NBPF12: variants seen among roughly 807,000 people sequenced by gnomAD.
NBPF12 encodes the protein NBPF family member NBPF12.
In NBPF12, 115 loss-of-function variants were observed where a neutral mutation model predicts 146.4. That is an observed-to-expected ratio of 0.79 (90% confidence interval 0.68 to 0.92). The LOEUF (loss-of-function observed/expected upper bound fraction) is 0.92, where lower values mean the gene tolerates loss of function less well. NBPF12 is among the 40% of genes least tolerant of loss of function. The probability of loss-of-function intolerance (pLI) is 0.00; values close to 1 mark genes in which losing one functional copy is unlikely to be tolerated. For synonymous variants in NBPF12, 385 were observed against 508.9 expected (o/e 0.76, Z 3.28); for missense variants, 1,205 against 1,326.8 (o/e 0.91, Z 1.43).
chr1:146,945,005 TTCCTTCCTCCCTCCCTC>T (rs1654973940), upstream of NBPF12, among the ~76,000 whole-genome samples: 7,151 of 48,796 alleles, frequency 0.15, 763 homozygotes, highest in East Asian at 0.29. Flanking sequence ...CCTCCCTCCC[TTCCTTCCTCCCTCCCTC>T]CCTTCCTTCC....
intron 6 of NBPF12, among the ~76,000 whole-genome samples, chr1:146,963,678 G>C (rs1356413839): frequency 1.3e-5 from 2 of 151,826 alleles, no homozygotes; most frequent in Non-Finnish European, 2.9e-5. Flanking sequence ...GTGTCGGTGA[G>C]TGAGTGATTT....
chr1:146,944,738 G>A (rs1419303567), upstream of NBPF12, among the ~76,000 whole-genome samples: 1 of 151,664 alleles, frequency 6.6e-6, no homozygotes, highest in Non-Finnish European at 1.5e-5. Flanking sequence ...GGAAATACTG[G>A]TGGTGTAAGT....
At chr1:146,946,830 C>T (rs1457341664), upstream of NBPF12, among the ~76,000 whole-genome samples, 3 of 151,718 alleles carry the variant, frequency 2.0e-5, no homozygotes, top group South Asian at 2.1e-4. Context: ...CTTACATTTA[C>T]GTGTAAGATT....
In NBPF12 at chr1:146,966,918, C is replaced by T. The variant is rs1313238319; in HGVS notation, c.988+245C>T. Among the ~76,000 whole-genome samples the T allele has an allele frequency of 3.9e-4, 58 of 150,338 alleles. 2 individuals are homozygous for T. Among genetic ancestry groups the T allele is most frequent in the African/African-American group, 1.4e-3 (55 of 39,882 alleles). On this transcript the variant is annotated intron_variant, in intron 9 of 33. Transcript: ENST00000617844. ...TAAACTGCCATTTATTGATTTCTGACACCGGCACAGAATGACCTGTTTTCT... is the reference window on the plus strand; with the variant it reads ...TAAACTGCCATTTATTGATTTCTGATACCGGCACAGAATGACCTGTTTTCT...
chr1:146,971,197 C>G, exon 13 of NBPF12: 1 of 1,611,586 alleles, frequency 6.2e-7, no homozygotes. Flanking sequence ...ATGCAGAAGG[C>G]TGAAGAAAGC....
At chr1:146,941,033 C>T (rs1222491172) in intron 1 of NBPF12, among the ~76,000 whole-genome samples, 27 of 152,028 alleles carry the variant, frequency 1.8e-4, no homozygotes, top group Admixed American at 3.3e-4. Context: ...TTTCAATCTG[C>T]AGCTTGCGTT....
At chr1:146,978,571 C>T (rs1449580976) in intron 18 of NBPF12, among the ~76,000 whole-genome samples, 2 of 151,950 alleles carry the variant, frequency 1.3e-5, no homozygotes, top group Admixed American at 6.6e-5. Context: ...ATTTATCTAT[C>T]AGTCGTGTTT....
In NBPF12 at chr1:146,963,992, A is replaced by T. The variant is rs1351720059; in HGVS notation, c.494-365A>T. 1.9e-3 allele frequency among the ~76,000 whole-genome samples: 247 copies of T among 131,018 alleles called. 3 individuals are homozygous for T. The highest frequency in any genetic ancestry group is 0.016 in the South Asian group (50 of 3,142). The allele number at this position is 131,018 out of a possible 152,430, so 86.0% of individuals were successfully genotyped here. On this transcript the variant is annotated intron_variant, in intron 6 of 33. Coordinates refer to ENST00000617844, the Ensembl canonical transcript of NBPF12. ...ACAAGTTTGTCCTCTCCTAAGAGAA[A>T]GAATGAGGTTTGAAATGCGAACTGT...
At chr1:146,995,350 C>T (rs1285678858) in exon 34 of NBPF12, 2 of 134,198 alleles carry the variant, frequency 1.5e-5, no homozygotes, top group East Asian at 4.3e-4. Flanking sequence ...AGGAGGTAAT[C>T]ACCAGACAAC....
intron 23 of NBPF12, among the ~76,000 whole-genome samples, chr1:146,986,148 T>C (rs1183516372): frequency 1.3e-5 from 2 of 149,316 alleles, no homozygotes; most frequent in African/African-American, 4.9e-5. Flanking sequence ...CCTCTCTCTC[T>C]CTCTCCCTCT....
chr1:146,956,075 C>G (rs1454972343), intron 2 of NBPF12, among the ~76,000 whole-genome samples: 76 of 151,634 alleles, frequency 5.0e-4, no homozygotes, highest in African/African-American at 1.7e-3. Context: ...ACCTGGCCTG[C>G]TACGTATGGA....
chr1:146,967,960 A>G (rs1391760652), intron 9 of NBPF12, among the ~76,000 whole-genome samples: 147 of 145,054 alleles, frequency 1.0e-3, no homozygotes, highest in African/African-American at 3.7e-3. Context: ...TCTTAAAATC[A>G]TAACTGAAGA....
Position 146,962,366 on chromosome 1 carries a change from G to A in NBPF12, c.278+103G>A, listed in dbSNP as rs1305840003. On this transcript the variant is annotated intron_variant, in intron 5 of 33. Transcript: ENST00000617844. ...AAGAACGAAGCTGGGCCAGGGAAAG[G>A]GCAGAAATTGCCATGGCAGGCTCAT... 7,466 of 944,956 alleles carry A rather than the reference G, an allele frequency of 7.9e-3. 391 individuals are homozygous for A. The African/African-American group carries it at 0.1, about 13-fold the overall frequency. 58.5% of individuals were successfully genotyped at this position (944,956 alleles called of 1,614,324 possible).
chr1:146,967,309 TG>T, intron 9 of NBPF12, among the ~76,000 whole-genome samples: 1 of 150,792 alleles, frequency 6.6e-6, no homozygotes, highest in Non-Finnish European at 1.5e-5. Context: ...GAGACCAGCC[TG>T]GGCAACATGG....
upstream of NBPF12, among the ~76,000 whole-genome samples, chr1:146,945,951 T>G (rs1259308205): frequency 6.6e-6 from 1 of 151,584 alleles, no homozygotes; most frequent in Non-Finnish European, 1.5e-5. Context: ...ATTTCATGCC[T>G]CCTCCTCTCC....
Position 146,986,410 on chromosome 1 carries a change from AGATGTTATTC to A in NBPF12, c.2953_2962del (p.Cys985LeufsTer11). On this transcript the variant is annotated frameshift_variant, in exon 24 of 34. Coordinates refer to ENST00000617844, the Ensembl canonical transcript of NBPF12. LOFTEE classifies it high-confidence loss of function. Reference sequence around the variant, plus strand: ...TGAAGTCTTGCAGGACTCACTGGATAGATGTTATTCGACTCCTTCAGGTTATCTTGAACTG... The same window carrying A: ...TGAAGTCTTGCAGGACTCACTGGATAGACTCCTTCAGGTTATCTTGAACTG... 1 of 698,422 alleles carries A rather than the reference AGATGTTATTC, an allele frequency of 1.4e-6. No homozygotes were observed. The highest frequency in any genetic ancestry group is 2.6e-6 in the Non-Finnish European group (1 of 382,324). 43.3% of individuals were successfully genotyped at this position (698,422 alleles called of 1,614,324 possible). A position where few individuals can be genotyped will look rare whatever the true frequency, so the allele number is the denominator to read the frequency against.
intron 20 of NBPF12, chr1:146,983,469 C>A: frequency 2.6e-6 from 1 of 382,004 alleles, no homozygotes; most frequent in Non-Finnish European, 4.3e-6. Context: ...GTTTTGTTCC[C>A]AAAGCATGTC....
chr1:146,978,357 C>A (rs1157648589), intron 18 of NBPF12, among the ~76,000 whole-genome samples: 1 of 146,060 alleles, frequency 6.8e-6, no homozygotes, highest in Non-Finnish European at 1.5e-5. Context: ...CTCTGCCTCC[C>A]AGATTCAAGT....
chr1:146,978,634 T>C lies in NBPF12; in HGVS notation c.2399-325T>C, dbSNP rs1250774000. 3.7e-3 allele frequency among the ~76,000 whole-genome samples: 556 copies of C among 151,876 alleles called. 7 individuals carry two copies. The highest frequency in any genetic ancestry group is 0.013 in the African/African-American group (520 of 41,324). ...TGTCCACGTTACCTGGTGATATAAG[T>C]CCGTATTGCAGCAACATTCTTAGAA... On this transcript the variant is annotated intron_variant, in intron 18 of 33. Transcript: ENST00000617844.
Sources: allele counts gnomAD v4.1 joint callset (sites outside exome capture counted in the v4.1 genomes callset), GRCh38; gene constraint gnomAD v4.1.1; transcripts MANE v1.5; gene names NCBI Gene and HGNC (gene_info 2026-07-23, HGNC 2026-07-21).